CHLSN: variants seen among roughly 807,000 people sequenced by gnomAD.
CHLSN encodes protein cholesin.
chr7:997,708 G>C, the CHLSN span: 4 of 1,611,000 alleles, frequency 2.5e-6, no homozygotes, highest in South Asian at 1.1e-5. Flanking sequence ...TCCAGCTCCC[G>C]CATCAGGGCT....
At chr7:1,101,678 G>A in the CHLSN span, among the ~76,000 whole-genome samples, 3 of 152,324 alleles carry the variant, frequency 2.0e-5, no homozygotes, top group Non-Finnish European at 4.4e-5. Flanking sequence ...TGCCCACGGC[G>A]TGCCTCCTGA....
chr7:1,068,036 G>A, the CHLSN span, among the ~76,000 whole-genome samples: 3 of 152,274 alleles, frequency 2.0e-5, no homozygotes, highest in Non-Finnish European at 4.4e-5. Flanking sequence ...TGCAGCACAC[G>A]CTGCGGCCCC....
the CHLSN span, among the ~76,000 whole-genome samples, chr7:1,098,833 G>A: frequency 2.0e-5 from 3 of 152,256 alleles, no homozygotes; most frequent in Non-Finnish European, 4.4e-5. Context: ...GGGGTGAGCG[G>A]GGGACGGGGA....
the CHLSN span, among the ~76,000 whole-genome samples, chr7:1,094,876 G>C: frequency 6.6e-6 from 1 of 152,184 alleles, no homozygotes; most frequent in African/African-American, 2.4e-5. Flanking sequence ...GCGCTGCCCA[G>C]ACCGTGGCCT....
the CHLSN span, chr7:989,104 G>T: frequency 2.3e-6 from 1 of 427,836 alleles, no homozygotes; most frequent in East Asian, 3.4e-5. Flanking sequence ...CACCCCTGAA[G>T]CTGCACTCCC....
the CHLSN span, chr7:985,284 C>G: frequency 1.3e-6 from 2 of 1,551,678 alleles, no homozygotes; most frequent in Non-Finnish European, 1.7e-6. Context: ...TGGGTCTCAT[C>G]GATGAGGTCA....
At chr7:1,128,039 C>T in the CHLSN span, among the ~76,000 whole-genome samples, 65 of 23,428 alleles carry the variant, frequency 2.8e-3, no homozygotes, top group Middle Eastern at 0.036. Flanking sequence ...TCGGCTCATC[C>T]CACCGTCACC....
chr7:1,013,436 G>A, the CHLSN span, among the ~76,000 whole-genome samples: 4 of 152,168 alleles, frequency 2.6e-5, no homozygotes, highest in Non-Finnish European at 4.4e-5. Context: ...TGAGTTTCAG[G>A]CCTAGGATGC....
the CHLSN span, among the ~76,000 whole-genome samples, chr7:1,016,417 G>A: frequency 1.3e-3 from 39 of 30,156 alleles, no homozygotes; most frequent in East Asian, 2.8e-3. Flanking sequence ...ACACAGCAGC[G>A]CACGCCAGCA....
At chr7:1,070,915 CACAGCACGCACAGA>C in the CHLSN span, among the ~76,000 whole-genome samples, 1 of 139,810 alleles carries the variant, frequency 7.2e-6, no homozygotes, top group Non-Finnish European at 1.6e-5. Flanking sequence ...CACGCACACA[CACAGCACGCACAGA>C]CACGCACACA....
At chr7:1,132,534 A>C in the CHLSN span, among the ~76,000 whole-genome samples, 3,696 of 152,196 alleles carry the variant, frequency 0.024, 52 homozygotes, top group Non-Finnish European at 0.029. Context: ...CTCTACAAAA[A>C]ATACAAAAAA....
the CHLSN span, among the ~76,000 whole-genome samples, chr7:1,023,671 A>G: frequency 7.0e-5 from 7 of 100,226 alleles, no homozygotes; most frequent in African/African-American, 2.5e-4. This position sits in a 1 kb window ranked among gnomAD's most constrained non-coding sequence, Gnocchi z 5.0. Context: ...ACACACACAC[A>G]CACACACCAG....
At chr7:1,002,228 A>G in the CHLSN span, among the ~76,000 whole-genome samples, 2 of 43,286 alleles carry the variant, frequency 4.6e-5, no homozygotes, top group East Asian at 7.1e-4. Context: ...CCTGCGGGTG[A>G]GTGGAGTCCT....
At chr7:981,082 G>A in the CHLSN span, among the ~76,000 whole-genome samples, 1 of 151,714 alleles carries the variant, frequency 6.6e-6, no homozygotes, top group Non-Finnish European at 1.5e-5. Flanking sequence ...GATCACTTGA[G>A]GTCAGGAGCT....
chr7:1,025,336 C>G, the CHLSN span: 1 of 152,490 alleles, frequency 6.6e-6, no homozygotes, highest in Non-Finnish European at 1.5e-5. Context: ...GGGGGGAGGA[C>G]GAGAAGCAGC....
the CHLSN span, chr7:1,091,756 G>A: frequency 7.0e-4 from 1,084 of 1,541,394 alleles, 2 homozygotes; most frequent in African/African-American, 3.1e-3. Flanking sequence ...AGCCCGGGGC[G>A]TGGGCCTGGA....
At chr7:1,136,488 A>T in the CHLSN span, among the ~76,000 whole-genome samples, 1 of 123,814 alleles carries the variant, frequency 8.1e-6, no homozygotes, top group Non-Finnish European at 1.6e-5. Context: ...ATAAACATAT[A>T]TAAACATATA....
At chr7:1,111,642 A>T in the CHLSN span, among the ~76,000 whole-genome samples, 5 of 152,316 alleles carry the variant, frequency 3.3e-5, no homozygotes, top group Admixed American at 3.3e-4. Flanking sequence ...CCTACAAAAA[A>T]TACAAAATTT....
At chr7:1,106,034 C>T in the CHLSN span, among the ~76,000 whole-genome samples, 2 of 152,142 alleles carry the variant, frequency 1.3e-5, no homozygotes, top group Non-Finnish European at 2.9e-5. Flanking sequence ...CCTTGCTCAA[C>T]TTTTCCTTGT....
Sources: allele counts gnomAD v4.1 joint callset (sites outside exome capture counted in the v4.1 genomes callset), GRCh38; gene constraint gnomAD v4.1.1; non-coding constraint Gnocchi (gnomAD v3.1); transcripts MANE v1.5; gene names NCBI Gene and HGNC (gene_info 2026-07-23, HGNC 2026-07-21).